NCKAP5: variants seen among roughly 807,000 people sequenced by gnomAD.
The protein encoded by NCKAP5 is NCK associated protein 5, also known as nck-associated protein 5.
In NCKAP5, 92 loss-of-function variants were observed where a neutral mutation model predicts 167.0. The observed-to-expected ratio is 0.55, with a 90% CI of 0.47 to 0.66. NCKAP5 has a LOEUF of 0.66. Ranked by LOEUF, NCKAP5 falls within the 30% of genes least tolerant of loss-of-function variation. The probability of loss-of-function intolerance (pLI) is 0.00; values close to 1 mark genes in which losing one functional copy is unlikely to be tolerated. For missense variants in NCKAP5, 2,378 were observed against 2,315.0 expected, an observed-to-expected ratio of 1.03 and a Z score of -0.56; for synonymous variants, 891 against 877.4, an observed-to-expected ratio of 1.02 and a Z score of -0.27.
chr2:133,006,744 A>AT (rs1184538846), intron 6 of NCKAP5, among the ~76,000 whole-genome samples: 4 of 152,104 alleles, frequency 2.6e-5, no homozygotes, highest in Non-Finnish European at 4.4e-5. Flanking sequence ...TCTGTTGCTA[A>AT]TTTTTTTGAT....
the NCKAP5 span, among the ~76,000 whole-genome samples, chr2:133,615,677 C>T: frequency 9.2e-5 from 14 of 152,150 alleles, no homozygotes; most frequent in Non-Finnish European, 1.0e-4. Context: ...TACAAAGAGA[C>T]TTAGACCCCC....
At chr2:132,848,695 T>A (rs1688854285) in intron 11 of NCKAP5, among the ~76,000 whole-genome samples, 1 of 152,166 alleles carries the variant, frequency 6.6e-6, no homozygotes, top group Admixed American at 6.6e-5. Context: ...GTGGTGTGCA[T>A]GTCTGTAGTC....
intron 3 of NCKAP5, among the ~76,000 whole-genome samples, chr2:133,350,331 TGGACCCA>T (rs890603615): frequency 5.9e-5 from 9 of 152,186 alleles, no homozygotes; most frequent in African/African-American, 1.9e-4. Flanking sequence ...GAGGATCACT[TGGACCCA>T]GGATTTTGAG....
chr2:133,159,631 G>A (rs947310362), intron 5 of NCKAP5, among the ~76,000 whole-genome samples: 1 of 152,198 alleles, frequency 6.6e-6, no homozygotes, highest in African/African-American at 2.4e-5. Flanking sequence ...GCATGTTCCT[G>A]TAAGTTTTGA....
chr2:133,553,830 T>C (rs1218436009), intron 2 of NCKAP5, among the ~76,000 whole-genome samples: 1 of 152,234 alleles, frequency 6.6e-6, no homozygotes, highest in Admixed American at 6.5e-5. Flanking sequence ...ATTTGTTATC[T>C]ATTGCTGTGT....
At chr2:133,196,282 C>A (rs1042705203) in intron 5 of NCKAP5, among the ~76,000 whole-genome samples, 1 of 152,208 alleles carries the variant, frequency 6.6e-6, no homozygotes, top group African/African-American at 2.4e-5. Flanking sequence ...GGAACAGGAA[C>A]CCCTGAGGTA....
chr2:133,519,066 G>T (rs1249183638), intron 2 of NCKAP5, among the ~76,000 whole-genome samples: 1 of 152,156 alleles, frequency 6.6e-6, no homozygotes, highest in Non-Finnish European at 1.5e-5. Flanking sequence ...GATCAAACAG[G>T]CAGGATTTCA....
intron 2 of NCKAP5, among the ~76,000 whole-genome samples, chr2:133,549,615 T>C (rs1271890574): frequency 1.4e-4 from 20 of 147,302 alleles, no homozygotes; most frequent in Non-Finnish European, 2.6e-4. Flanking sequence ...GGGAAATTTA[T>C]AGCACTAAAT....
rs554473910 is a variant in NCKAP5 at position 133,142,121 on chromosome 2, C to T, written c.208-12010G>A. Among the ~76,000 whole-genome samples the T allele has an allele frequency of 2.0e-5, 3 of 152,220 alleles. No homozygotes were observed. In the East Asian group the frequency reaches 5.8e-4, roughly 29 times the overall value. ...AAATCATTAAAGACCTATAAATGAG[C>T]TGAGTGAGTGCAGTTAATCTACAGA... On this transcript the variant is annotated intron_variant, in intron 5 of 19. Transcript: ENST00000409261.
intron 5 of NCKAP5, among the ~76,000 whole-genome samples, chr2:133,192,426 T>G (rs1211157097): frequency 6.6e-6 from 1 of 152,050 alleles, no homozygotes. Flanking sequence ...AAATGAAAAC[T>G]TTTGTTCTGT....
In NCKAP5 at chr2:133,411,635, G is replaced by A. The variant is rs188142164; in HGVS notation, c.69+105823C>T. 2.2e-3 allele frequency among the ~76,000 whole-genome samples: 331 copies of A among 152,258 alleles called. No homozygotes were observed. The Middle Eastern group carries it at 0.024, about 11-fold the overall frequency. Reference sequence around the variant, plus strand: ...AGCTAGCAGCAGCATGAAACTGAACGGAAAACAGGGAGGGTGCGGATATCT... The same window carrying A: ...AGCTAGCAGCAGCATGAAACTGAACAGAAAACAGGGAGGGTGCGGATATCT... On this transcript the variant is annotated intron_variant, in intron 3 of 19. Coordinates refer to ENST00000409261, the MANE Select transcript of NCKAP5 (RefSeq NM_207363.3).
intron 3 of NCKAP5, among the ~76,000 whole-genome samples, chr2:133,440,480 G>A (rs1022629479): frequency 1.2e-4 from 19 of 152,110 alleles, no homozygotes; most frequent in African/African-American, 4.6e-4. Context: ...GGAGGCCGAG[G>A]AGGGTGGATC....
At chr2:133,384,886 A>G (rs1298179579) in intron 3 of NCKAP5, among the ~76,000 whole-genome samples, 2 of 152,132 alleles carry the variant, frequency 1.3e-5, no homozygotes, top group African/African-American at 2.4e-5. Flanking sequence ...TGATTTTTGT[A>G]CATTGATTTT....
chr2:133,604,973 G>A, the NCKAP5 span, among the ~76,000 whole-genome samples: 5 of 152,294 alleles, frequency 3.3e-5, no homozygotes, highest in South Asian at 2.1e-4. Flanking sequence ...GAAGGCTATC[G>A]CCTTCCCTTC....
intron 5 of NCKAP5, among the ~76,000 whole-genome samples, chr2:133,201,733 T>G (rs1046210597): frequency 6.6e-6 from 1 of 152,082 alleles, no homozygotes; most frequent in Non-Finnish European, 1.5e-5. Flanking sequence ...GGAAAGAAAG[T>G]ATCATGCTTC....
Position 133,180,650 on chromosome 2 carries a change from G to T in NCKAP5, c.207+33066C>A, listed in dbSNP as rs560663621. Reference sequence around the variant, plus strand: ...CACTGTGCCTGGCCAAATGGTTAAAGAAAGTTTTCTAAATAAAAACAGAAA... The same window carrying T: ...CACTGTGCCTGGCCAAATGGTTAAATAAAGTTTTCTAAATAAAAACAGAAA... On this transcript the variant is annotated intron_variant, in intron 5 of 19. Coordinates refer to ENST00000409261, the MANE Select transcript of NCKAP5 (RefSeq NM_207363.3). Among the ~76,000 whole-genome samples, 3 of 152,164 alleles carry T rather than the reference G, an allele frequency of 2.0e-5. 1 individual carries two copies. In the South Asian group the frequency reaches 6.2e-4, roughly 32 times the overall value.
At chr2:132,750,650 C>T (rs2104783348) in intron 16 of NCKAP5, among the ~76,000 whole-genome samples, 1 of 152,144 alleles carries the variant, frequency 6.6e-6, no homozygotes, top group South Asian at 2.1e-4. Context: ...CTGGAGGCCA[C>T]ATTAGAAATA....
At chr2:132,719,444 G>C (rs937718580) in intron 19 of NCKAP5, among the ~76,000 whole-genome samples, 1 of 152,210 alleles carries the variant, frequency 6.6e-6, no homozygotes, top group Non-Finnish European at 1.5e-5. Flanking sequence ...CATATTTAAC[G>C]TGTACCTTGG....
At chr2:133,285,615 T>C (rs1436313818) in intron 4 of NCKAP5, among the ~76,000 whole-genome samples, 2 of 152,174 alleles carry the variant, frequency 1.3e-5, no homozygotes, top group African/African-American at 4.8e-5. Flanking sequence ...TAGCACACTA[T>C]ATCTTCAAAA....
Sources: allele counts gnomAD v4.1 joint callset (sites outside exome capture counted in the v4.1 genomes callset), GRCh38; gene constraint gnomAD v4.1.1; transcripts MANE v1.5; gene names NCBI Gene and HGNC (gene_info 2026-07-23, HGNC 2026-07-21).